The following EFL1 variants were observed in gnomAD, a reference collection of about 807,000 sequenced individuals.
EFL1 encodes the protein elongation factor like GTPase 1, also known as elongation factor-like GTPase 1.
EFL1 carries 76 observed loss-of-function variants against 126.7 expected under a neutral mutation model. The ratio of observed to expected loss-of-function variants is 0.60; its 90% CI spans 0.50 to 0.73. The LOEUF (loss-of-function observed/expected upper bound fraction) is 0.73. EFL1 is among the 30% of genes least tolerant of loss of function. The probability of loss-of-function intolerance (pLI) is 0.00; values close to 1 mark genes in which losing one functional copy is unlikely to be tolerated. For synonymous variants in EFL1, 410 were observed against 448.4 expected, an observed-to-expected ratio of 0.91 and a Z score of 1.08; for missense variants, 1,128 against 1,343.2, an observed-to-expected ratio of 0.84 and a Z score of 2.50.
intron 3 of EFL1, among the ~76,000 whole-genome samples, chr15:82,253,037 A>C (rs1359690330): frequency 2.0e-5 from 3 of 150,336 alleles, no homozygotes; most frequent in African/African-American, 2.4e-5. Context: ...TTTAACCTAT[A>C]TAGAGCCTTT....
At chr15:82,198,999 C>A (rs1314676101) in intron 15 of EFL1, among the ~76,000 whole-genome samples, 1 of 152,006 alleles carries the variant, frequency 6.6e-6, no homozygotes, top group East Asian at 1.9e-4. Context: ...AAAGATTTCA[C>A]TTTTCAGAGG....
At chr15:82,261,963 G>A in intron 1 of EFL1, 166 bp from the exon 2 acceptor site, 2 of 559,184 alleles carry the variant, frequency 3.6e-6, no homozygotes, top group South Asian at 4.7e-5. Flanking sequence ...AGTCCAGTTC[G>A]AGCACTAAAG....
At position 82,152,110 on chromosome 15, in the gene EFL1, AGG is replaced by A; in HGVS notation, c.2342_2343del (p.Ser781PhefsTer4). On this transcript the variant is annotated frameshift_variant, in exon 18 of 20. Coordinates refer to ENST00000268206, the MANE Select transcript of EFL1 (RefSeq NM_024580.6). LOFTEE classifies it high-confidence loss of function. ...DLIRSMEQLT[S>X]SLNEGENTHM... ...TGAGTATTTTCACCCTCATTCAAAGAGGATGTCAACTGCTCCATAGAACGAAT... is the reference window on the plus strand; with the variant it reads ...TGAGTATTTTCACCCTCATTCAAAGAATGTCAACTGCTCCATAGAACGAAT... 1 of 1,614,136 alleles carries A rather than the reference AGG, an allele frequency of 6.2e-7. No homozygotes were observed. Among genetic ancestry groups the A allele is most frequent in the Non-Finnish European group, 8.5e-7 (1 of 1,180,034 alleles).
At chr15:82,142,225 T>C (rs555857560) in intron 18 of EFL1, among the ~76,000 whole-genome samples, 5 of 152,284 alleles carry the variant, frequency 3.3e-5, no homozygotes, top group African/African-American at 7.2e-5. Flanking sequence ...TCAGAGTTGG[T>C]TGAGTACAGC....
At chr15:82,239,905 C>T (rs891539078) in intron 6 of EFL1, among the ~76,000 whole-genome samples, 1 of 152,130 alleles carries the variant, frequency 6.6e-6, no homozygotes, top group Non-Finnish European at 1.5e-5. Flanking sequence ...ATATCACACC[C>T]AGGACTTATC....
intron 15 of EFL1, among the ~76,000 whole-genome samples, chr15:82,178,949 T>G (rs1298254160): frequency 6.6e-6 from 1 of 152,060 alleles, no homozygotes; most frequent in East Asian, 1.9e-4. Context: ...CTGGGAAACA[T>G]AGCAAGACTC....
In EFL1 at chr15:82,230,943, G is replaced by C; in HGVS notation, c.760C>G (p.Gln254Glu). The change falls in exon 8 of 20, where the codon CAA becomes GAA. Residue 254 changes from glutamine to glutamate, a missense_variant. By Grantham distance (29) the Gln-to-Glu change is conservative. Transcript: ENST00000268206. ...GIEHFARIYS[Q>E]KIGIKKEVLM... ...ACTTCCTTTTTGATGCCAATTTTTT[G>C]ACTGTAGATTCTGGCGAAGTGCTCA... The C allele has an allele frequency of 1.2e-6, 2 of 1,612,946 alleles. No homozygotes were observed. The highest frequency in any genetic ancestry group is 1.7e-4 in the Middle Eastern group (1 of 6,056).
intron 12 of EFL1, among the ~76,000 whole-genome samples, chr15:82,221,950 G>A (rs2074716506): frequency 6.6e-6 from 1 of 152,110 alleles, no homozygotes; most frequent in South Asian, 2.1e-4. Flanking sequence ...TCTTCCCCAG[G>A]CTGACCATTC....
rs535299951 is a variant in EFL1, at chr15:82,200,655, T to C, written c.1750+14062A>G. Among the ~76,000 whole-genome samples, 267 of 152,304 alleles carry C rather than the reference T, an allele frequency of 1.8e-3. 1 individual carries two copies. The highest frequency in any genetic ancestry group is 6.4e-3 in the African/African-American group (264 of 41,564). ...GGCAGGAAGAACCAGTTAGTTTCAG[T>C]GTACTATCTGAGCTAAACAAAAAAT... On this transcript the variant is annotated intron_variant, in intron 15 of 19. Coordinates refer to ENST00000268206, the MANE Select transcript of EFL1 (RefSeq NM_024580.6).
chr15:82,203,735 C>A lies in EFL1; in HGVS notation c.1750+10982G>T, dbSNP rs1477563492. On this transcript the variant is annotated intron_variant, in intron 15 of 19. Transcript: ENST00000268206. Reference sequence around the variant, plus strand: ...AACTTGCTTGTTTTTAAAATTAATTCTATTTGTGAGACTGACTGAAGTTGA... The same window carrying A: ...AACTTGCTTGTTTTTAAAATTAATTATATTTGTGAGACTGACTGAAGTTGA... Among the ~76,000 whole-genome samples, 12 of 152,306 alleles carry A rather than the reference C, an allele frequency of 7.9e-5. 1 individual carries two copies. Among genetic ancestry groups the A allele is most frequent in the Admixed American group, 6.5e-4 (10 of 15,298 alleles).
At chr15:82,197,712 G>A (rs2074422655) in intron 15 of EFL1, among the ~76,000 whole-genome samples, 1 of 152,144 alleles carries the variant, frequency 6.6e-6, no homozygotes, top group African/African-American at 2.4e-5. Context: ...TGGAAGAGGG[G>A]TAGGAGGGGC....
chr15:82,210,132 A>ATG (rs1412896626), intron 15 of EFL1, among the ~76,000 whole-genome samples: 1 of 152,250 alleles, frequency 6.6e-6, no homozygotes, highest in Non-Finnish European at 1.5e-5. Flanking sequence ...ATCTCTTTAT[A>ATG]TGTGTCCTGT....
At chr15:82,222,298 A>T (rs1422740477) in intron 12 of EFL1, among the ~76,000 whole-genome samples, 1 of 152,254 alleles carries the variant, frequency 6.6e-6, no homozygotes, top group Non-Finnish European at 1.5e-5. Flanking sequence ...ACCCAAAGTC[A>T]CACAGATATT....
intron 15 of EFL1, among the ~76,000 whole-genome samples, chr15:82,178,849 T>C (rs1054032778): frequency 1.3e-5 from 2 of 152,004 alleles, no homozygotes; most frequent in Non-Finnish European, 2.9e-5. Flanking sequence ...CTATTCTCCA[T>C]AAAGAAAATG....
intron 15 of EFL1, among the ~76,000 whole-genome samples, chr15:82,167,317 C>T (rs903446389): frequency 5.3e-5 from 8 of 152,164 alleles, no homozygotes; most frequent in African/African-American, 1.9e-4. Context: ...AATAAATTGG[C>T]ATGTGAACTC....
Position 82,259,069 on chromosome 15 carries a change from T to G in EFL1, c.159+19A>C, listed in dbSNP as rs1292086529. 1.2e-6 allele frequency: 2 copies of G among 1,607,726 alleles called. No individual in the cohort carries two copies. Among genetic ancestry groups the G allele is most frequent in the Non-Finnish European group, 1.7e-6 (2 of 1,174,640 alleles). On this transcript the variant is annotated intron_variant, in intron 3 of 19. Coordinates refer to ENST00000268206, the MANE Select transcript of EFL1 (RefSeq NM_024580.6). ...GCTAATACTGAAATGCAACAAGTAT[T>G]TATAAAATAATAACATACCTTGCCT...
chr15:82,256,492 C>A lies in EFL1; in HGVS notation c.159+2596G>T, dbSNP rs185501778. On this transcript the variant is annotated intron_variant, in intron 3 of 19. Transcript: ENST00000268206. ...TCCAGCTTTATCACTGCAACTAGAA[C>A]CTCCAGTACAATCTAAAGTAGAAGT... Among the ~76,000 whole-genome samples, 1,226 of 152,248 alleles carry A rather than the reference C, an allele frequency of 8.1e-3. 14 individuals carry two copies. The highest frequency in any genetic ancestry group is 0.028 in the African/African-American group (1,149 of 41,508).
At chr15:82,259,206 C>T in intron 2 of EFL1, 51 bp from the exon 3 acceptor site, 2 of 1,483,184 alleles carry the variant, frequency 1.3e-6, no homozygotes, top group Non-Finnish European at 1.9e-6. Flanking sequence ...TAAAAGGGGT[C>T]ATGGATCATA....
intron 2 of EFL1, 127 bp from the exon 3 acceptor site, chr15:82,259,282 G>A (rs1398321599): frequency 1.1e-5 from 9 of 783,906 alleles, no homozygotes; most frequent in Non-Finnish European, 1.9e-5. Context: ...CCTATGCTAG[G>A]TGACAAAAGA....
Sources: gnomAD v4.1 joint callset for allele counts (sites outside exome capture counted in the v4.1 genomes callset) on GRCh38, gnomAD v4.1.1 for gene constraint, MANE v1.5 for transcripts, NCBI Gene and HGNC (gene_info 2026-07-23, HGNC 2026-07-21) for gene names.